The following CCDC149 variants were observed in gnomAD, a reference collection of about 807,000 sequenced individuals.
CCDC149 encodes the protein coiled-coil domain-containing protein 149.
Under a neutral mutation model 59.9 loss-of-function variants are expected in CCDC149, and 45 were observed. The observed-to-expected ratio is 0.75, with a 90% CI of 0.59 to 0.96. The LOEUF is 0.96. Among genes scored for constraint, CCDC149 ranks in the 40% least tolerant of loss-of-function variants. The pLI is 0.00. For missense variants in CCDC149, 584 were observed against 664.7 expected (o/e 0.88, Z 1.33); for synonymous variants, 245 against 260.6 (o/e 0.94, Z 0.58).
chr4:24,900,430 T>G (rs768313916), intron 1 of CCDC149, among the ~76,000 whole-genome samples: 6 of 152,074 alleles, frequency 3.9e-5, no homozygotes, highest in Non-Finnish European at 7.4e-5. Flanking sequence ...TTTCCCTAAA[T>G]GAGGATGTGA....
At chr4:24,821,626 T>C (rs1227143833) in intron 10 of CCDC149, among the ~76,000 whole-genome samples, 1 of 152,218 alleles carries the variant, frequency 6.6e-6, no homozygotes, top group Non-Finnish European at 1.5e-5. Flanking sequence ...TTACTTATCG[T>C]CCATTCCAGG....
intron 1 of CCDC149, among the ~76,000 whole-genome samples, chr4:24,969,479 A>G (rs564768754): frequency 1.3e-5 from 2 of 152,316 alleles, no homozygotes; most frequent in East Asian, 3.9e-4. Context: ...TGGGGATTCC[A>G]TGTGCCATAC....
At chr4:24,957,390 A>T (rs1166401528) in intron 1 of CCDC149, among the ~76,000 whole-genome samples, 3 of 152,172 alleles carry the variant, frequency 2.0e-5, no homozygotes, top group Non-Finnish European at 4.4e-5. Flanking sequence ...GGTTCTCTAC[A>T]ACTAGCTGAA....
intron 1 of CCDC149, among the ~76,000 whole-genome samples, chr4:24,955,745 G>A (rs1723446473): frequency 6.6e-6 from 1 of 152,176 alleles, no homozygotes; most frequent in Admixed American, 6.5e-5. Context: ...GAAAGTTGCT[G>A]TTCAATGGTA....
downstream of CCDC149, among the ~76,000 whole-genome samples, chr4:24,804,701 A>G (rs1420245211): frequency 6.6e-6 from 1 of 152,186 alleles, no homozygotes; most frequent in Non-Finnish European, 1.5e-5. Flanking sequence ...TTTTCATGCC[A>G]TATCGTGAAC....
chr4:24,808,558 T>C lies in CCDC149; in HGVS notation c.1454A>G (p.Gln485Arg), dbSNP rs548401685. Residue 485 changes from glutamine (Q) to arginine (R), a missense_variant, in exon 13 of 13, where the codon CAG becomes CGG. By Grantham distance (43) the Gln-to-Arg change is conservative. Coordinates refer to ENST00000635206, the MANE Select transcript of CCDC149 (RefSeq NM_001330643.2). The stretch of plus-strand genomic sequence containing the variant: ...CGGGGCTGGCCCCGTCTCACTCCTC[T>C]GACCTTCTATGGGACTCTCTCTTCT... 1 of 1,551,490 alleles carries C rather than the reference T, an allele frequency of 6.4e-7. No homozygotes were observed. Among genetic ancestry groups the C allele is most frequent in the African/African-American group, 1.4e-5 (1 of 73,168 alleles).
intron 1 of CCDC149, among the ~76,000 whole-genome samples, chr4:24,897,854 C>G (rs1313619686): frequency 6.6e-6 from 1 of 152,224 alleles, no homozygotes. Context: ...CCAGGCTTGA[C>G]TGAGCAGCCT....
chr4:24,847,506 C>A, intron 4 of CCDC149, among the ~76,000 whole-genome samples: 1 of 152,238 alleles, frequency 6.6e-6, no homozygotes. Context: ...CCCTGTCTTT[C>A]TTATCCTTTG....
chr4:24,853,047 TC>T, intron 4 of CCDC149, 24 bp downstream of exon 4: 2 of 1,450,962 alleles, frequency 1.4e-6, no homozygotes, highest in South Asian at 2.3e-5. Context: ...CAGCAGAGCT[TC>T]TTCCCTGTAA....
chr4:24,936,980 T>C (rs1325475464), intron 1 of CCDC149, among the ~76,000 whole-genome samples: 4 of 152,308 alleles, frequency 2.6e-5, no homozygotes, highest in Admixed American at 1.3e-4. Flanking sequence ...TAATTTTTGG[T>C]GGTGCAGTGG....
intron 1 of CCDC149, among the ~76,000 whole-genome samples, chr4:24,905,807 C>T (rs539867720): frequency 2.0e-5 from 3 of 152,300 alleles, no homozygotes; most frequent in East Asian, 3.9e-4. Context: ...CATTCACAGC[C>T]TCTCTTACAA....
intron 1 of CCDC149, among the ~76,000 whole-genome samples, chr4:24,880,774 T>G (rs551156438): frequency 1.3e-5 from 2 of 152,078 alleles, no homozygotes; most frequent in Non-Finnish European, 2.9e-5. Context: ...TCAGTAACTA[T>G]AGATAGCAGA....
At chr4:24,832,181 G>T (rs1049609563) in intron 8 of CCDC149, among the ~76,000 whole-genome samples, 2 of 152,202 alleles carry the variant, frequency 1.3e-5, no homozygotes, top group African/African-American at 4.8e-5. Flanking sequence ...TAGTAGCTAT[G>T]CATTTGTTTG....
chr4:24,825,645 C>T lies in CCDC149; in HGVS notation c.966-3072G>A, dbSNP rs1186828405. ...AAAATTAGCTGGGTGTGGTGGCAGG[C>T]GCCTGTAGTCCCAGCTACTCGGGAG... On this transcript the variant is annotated intron_variant, in intron 9 of 12. Transcript: ENST00000635206. Among the ~76,000 whole-genome samples the T allele has an allele frequency of 3.3e-5, 5 of 151,708 alleles. No individual in the cohort carries two copies. In the South Asian group the frequency reaches 6.3e-4, roughly 19 times the overall value.
intron 1 of CCDC149, among the ~76,000 whole-genome samples, chr4:24,904,710 T>G (rs868360406): frequency 2.0e-5 from 3 of 152,254 alleles, no homozygotes; most frequent in African/African-American, 7.2e-5. Context: ...ATGAGTTTTG[T>G]AACTTGTTGC....
intron 3 of CCDC149, among the ~76,000 whole-genome samples, chr4:24,868,670 C>T (rs976859266): frequency 2.0e-5 from 3 of 152,136 alleles, no homozygotes; most frequent in Non-Finnish European, 4.4e-5. Context: ...TGGAAATGGT[C>T]CTGGGTAAGA....
chr4:24,950,008 C>T (rs1174438305), intron 1 of CCDC149, among the ~76,000 whole-genome samples: 2 of 152,190 alleles, frequency 1.3e-5, no homozygotes, highest in Admixed American at 6.5e-5. Context: ...GAGTTTGGCT[C>T]ATACCAGAGG....
chr4:24,925,844 G>C (rs1323110049), intron 1 of CCDC149, among the ~76,000 whole-genome samples: 1 of 152,112 alleles, frequency 6.6e-6, no homozygotes, highest in East Asian at 1.9e-4. Flanking sequence ...CACTTTCCTG[G>C]CTAAGATGAC....
At chr4:24,894,890 C>T (rs986085878) in intron 1 of CCDC149, 3 of 1,448,174 alleles carry the variant, frequency 2.1e-6, no homozygotes, top group Admixed American at 2.0e-5. Context: ...CAAACAGAAC[C>T]CCTCATGCCA....
Sources: allele counts gnomAD v4.1 joint callset (sites outside exome capture counted in the v4.1 genomes callset), GRCh38; gene constraint gnomAD v4.1.1; transcripts MANE v1.5; gene names NCBI Gene and HGNC (gene_info 2026-07-23, HGNC 2026-07-21).